The following CNTN5 variants were observed in gnomAD, a reference collection of about 807,000 sequenced individuals.
CNTN5 encodes contactin-5.
A neutral mutation model predicts 129.1 loss-of-function variants in CNTN5; 77 were observed. That is an observed-to-expected ratio of 0.60 (90% CI 0.50 to 0.72). CNTN5 has a LOEUF of 0.72. CNTN5 is among the 30% of genes least tolerant of loss of function. The pLI is 0.00. For synonymous variants in CNTN5, 509 were observed against 465.6 expected, an observed-to-expected ratio of 1.09 and a Z score of -1.20; for missense variants, 1,478 against 1,328.8, an observed-to-expected ratio of 1.11 and a Z score of -1.75.
chr11:100,064,378 A>C (rs771181692), intron 10 of CNTN5, among the ~76,000 whole-genome samples: 19 of 152,282 alleles, frequency 1.2e-4, no homozygotes, highest in Non-Finnish European at 1.2e-4. Context: ...TGCAGATTTT[A>C]CTGTTTTTAA....
At chr11:99,933,554 A>G (rs1950238943) in intron 7 of CNTN5, among the ~76,000 whole-genome samples, 1 of 152,028 alleles carries the variant, frequency 6.6e-6, no homozygotes, top group Non-Finnish European at 1.5e-5. Flanking sequence ...TTCTGTCCCT[A>G]TATTTTGTTT....
intron 13 of CNTN5, among the ~76,000 whole-genome samples, chr11:100,129,839 T>TTGTG (rs71305308): frequency 1.3e-4 from 19 of 150,850 alleles, no homozygotes; most frequent in East Asian, 9.8e-4. Context: ...GTGTGTGTGT[T>TTGTG]TGTGTGTGTG....
chr11:100,339,486 G>A (rs895246971), intron 21 of CNTN5, among the ~76,000 whole-genome samples: 1 of 152,094 alleles, frequency 6.6e-6, no homozygotes, highest in Admixed American at 6.5e-5. Flanking sequence ...CAGGACGGTG[G>A]GGGTGGGCCA....
chr11:99,909,726 T>C (rs1367808043), intron 6 of CNTN5, among the ~76,000 whole-genome samples: 1 of 150,712 alleles, frequency 6.6e-6, no homozygotes, highest in Non-Finnish European at 1.5e-5. Context: ...AAACGAAACA[T>C]CGCATGTTCT....
intron 4 of CNTN5, among the ~76,000 whole-genome samples, chr11:99,831,464 C>T (rs1947136752): frequency 6.6e-6 from 1 of 152,124 alleles, no homozygotes. Flanking sequence ...AAGAATTTGG[C>T]CCTTTCTGTT....
At chr11:99,501,302 C>A (rs1041010825) in intron 2 of CNTN5, among the ~76,000 whole-genome samples, 2 of 152,130 alleles carry the variant, frequency 1.3e-5, no homozygotes, top group Non-Finnish European at 2.9e-5. Context: ...TCTGCTCCTT[C>A]ATGAAATGAA....
chr11:99,252,338 C>T (rs1468967362), intron 1 of CNTN5, among the ~76,000 whole-genome samples: 2 of 151,830 alleles, frequency 1.3e-5, no homozygotes, highest in African/African-American at 4.8e-5. Context: ...AACAAACAAA[C>T]ACACAAACAA....
At chr11:99,224,366 A>G (rs1296738027) in intron 1 of CNTN5, among the ~76,000 whole-genome samples, 1 of 152,176 alleles carries the variant, frequency 6.6e-6, no homozygotes, top group Non-Finnish European at 1.5e-5. Context: ...TGTATTTATT[A>G]TATGGTAGCA....
chr11:99,175,985 T>C (rs911943013), intron 1 of CNTN5, among the ~76,000 whole-genome samples: 2 of 152,226 alleles, frequency 1.3e-5, no homozygotes, highest in African/African-American at 2.4e-5. Flanking sequence ...CTCAAGTCCA[T>C]GGTTCTAGCA....
At chr11:99,067,756 C>A (rs1865162650) in intron 1 of CNTN5, among the ~76,000 whole-genome samples, 1 of 152,104 alleles carries the variant, frequency 6.6e-6, no homozygotes, top group Admixed American at 6.6e-5. Context: ...AATATGAAGT[C>A]TAGCTCTAAT....
At chr11:99,223,664 A>G (rs1860521843) in intron 1 of CNTN5, among the ~76,000 whole-genome samples, 1 of 152,154 alleles carries the variant, frequency 6.6e-6, no homozygotes, top group African/African-American at 2.4e-5. Flanking sequence ...AGAGGCTCTA[A>G]TTACATAGAA....
intron 6 of CNTN5, among the ~76,000 whole-genome samples, chr11:99,882,975 C>G (rs1470459531): frequency 6.6e-6 from 1 of 152,120 alleles, no homozygotes; most frequent in Non-Finnish European, 1.5e-5. Context: ...TGATGTTTGT[C>G]TTTCTGTGCC....
chr11:99,511,492 T>C (rs1384064125), intron 2 of CNTN5, among the ~76,000 whole-genome samples: 1 of 151,908 alleles, frequency 6.6e-6, no homozygotes, highest in South Asian at 2.1e-4. Flanking sequence ...ATAGGTGTGG[T>C]GTGGTGCTGA....
intron 15 of CNTN5, 50 bp downstream of exon 15, chr11:100,193,713 T>G: frequency 6.5e-7 from 1 of 1,532,278 alleles, no homozygotes; most frequent in Non-Finnish European, 8.9e-7. Flanking sequence ...TTAGAAATTT[T>G]GAATCAAATG....
chr11:100,192,004 T>C (rs1162933822), intron 14 of CNTN5, among the ~76,000 whole-genome samples: 5 of 152,012 alleles, frequency 3.3e-5, no homozygotes, highest in Non-Finnish European at 7.4e-5. Context: ...ATATTATTTT[T>C]TCTGTCTTTA....
chr11:99,873,599 T>C (rs1948558875), intron 6 of CNTN5, among the ~76,000 whole-genome samples: 1 of 152,074 alleles, frequency 6.6e-6, no homozygotes, highest in African/African-American at 2.4e-5. Context: ...AACGGAACAC[T>C]CATACACTGT....
At chr11:100,119,009 T>C (rs562375988) in intron 13 of CNTN5, among the ~76,000 whole-genome samples, 95 of 151,418 alleles carry the variant, frequency 6.3e-4, no homozygotes, top group South Asian at 2.5e-3. Context: ...TGTCAAAGTG[T>C]GAACTTTTAG....
rs181005940 is a variant in CNTN5 at position 99,613,138 on chromosome 11, A to G, written c.55+56869A>G. ...AGAAAAAAAGCCAAAGGAGGATGATATGGTTAGGCTTTGTGTCCCCACCTG... is the reference window on the plus strand; with the variant it reads ...AGAAAAAAAGCCAAAGGAGGATGATGTGGTTAGGCTTTGTGTCCCCACCTG... On this transcript the variant is annotated intron_variant, in intron 3 of 24. Coordinates refer to ENST00000524871, the MANE Select transcript of CNTN5 (RefSeq NM_014361.4). Among the ~76,000 whole-genome samples, 469 of 152,280 alleles carry G rather than the reference A, an allele frequency of 3.1e-3. 2 individuals are homozygous for G. Among genetic ancestry groups the G allele is most frequent in the African/African-American group, 9.8e-3 (407 of 41,562 alleles).
intron 13 of CNTN5, among the ~76,000 whole-genome samples, chr11:100,164,987 C>A (rs1344019480): frequency 6.6e-6 from 1 of 151,682 alleles, no homozygotes; most frequent in Non-Finnish European, 1.5e-5. Context: ...ATTTTTTAAG[C>A]AGTCCACAGT....
Sources: gnomAD v4.1 joint callset for allele counts (sites outside exome capture counted in the v4.1 genomes callset) on GRCh38, gnomAD v4.1.1 for gene constraint, MANE v1.5 for transcripts, NCBI Gene and HGNC (gene_info 2026-07-23, HGNC 2026-07-21) for gene names.